The following ESYT3 variants were observed in gnomAD, a reference collection of about 807,000 sequenced individuals.
ESYT3 encodes extended synaptotagmin-3.
In ESYT3, 101 loss-of-function variants were observed where a neutral mutation model predicts 111.5. The observed-to-expected ratio is 0.91, with a 90% CI of 0.77 to 1.07. The LOEUF (loss-of-function observed/expected upper bound fraction) is 1.07. Ranked by LOEUF, ESYT3 falls within the 50% of genes least tolerant of loss-of-function variation. The probability of loss-of-function intolerance (pLI) is 0.00; values close to 1 mark genes in which losing one functional copy is unlikely to be tolerated. For missense variants in ESYT3, 1,097 were observed against 1,109.4 expected (o/e 0.99, Z 0.16); for synonymous variants, 416 against 446.8 (o/e 0.93, Z 0.87).
At chr3:138,452,113 C>G (rs1411564429) in intron 2 of ESYT3, 24 bp downstream of exon 2, 2 of 1,605,298 alleles carry the variant, frequency 1.2e-6, no homozygotes, top group Non-Finnish European at 1.7e-6. Flanking sequence ...CAGGGCCTAG[C>G]AGGGCCGGAC....
chr3:138,473,779 C>T, intron 19 of ESYT3, 145 bp downstream of exon 19: 7 of 726,378 alleles, frequency 9.6e-6, no homozygotes, highest in Non-Finnish European at 1.3e-5. Flanking sequence ...AAGGCCTGAA[C>T]ACTGTAATCA....
intron 4 of ESYT3, 134 bp from the exon 5 acceptor site, chr3:138,459,053 C>T (rs74322740): frequency 0.036 from 21,341 of 590,692 alleles, 545 homozygotes; most frequent in South Asian, 0.091. Context: ...GGCCATGTGC[C>T]CAGTGCATAG....
intron 14 of ESYT3, 195 bp from the exon 15 acceptor site, chr3:138,469,241 T>TG: frequency 1.7e-6 from 1 of 604,384 alleles, no homozygotes; most frequent in African/African-American, 1.8e-5. Context: ...AACTGCTTTC[T>TG]GGGGTTGGTC....
chr3:138,450,567 G>T (rs2031855245), intron 1 of ESYT3, among the ~76,000 whole-genome samples: 1 of 152,362 alleles, frequency 6.6e-6, no homozygotes, highest in Admixed American at 6.5e-5. Flanking sequence ...GGAAACTGAG[G>T]CTGGGAGAAT....
chr3:138,455,898 G>C (rs2032247858), intron 3 of ESYT3, among the ~76,000 whole-genome samples: 1 of 152,204 alleles, frequency 6.6e-6, no homozygotes, highest in Admixed American at 6.5e-5. Context: ...TCCTGTTTCA[G>C]CCTTGGTGCC....
In ESYT3 at chr3:138,473,540, G is replaced by A. The variant is rs2033341257; in HGVS notation, c.2242G>A (p.Gly748Arg). The change falls in exon 19 of 23, where the codon GGG becomes AGG. Residue 748 changes from glycine (G) to arginine (R), a missense_variant. Coordinates refer to ENST00000389567, the MANE Select transcript of ESYT3 (RefSeq NM_031913.5). ...LADISLNIEG[G>R]DLRRRQLGEI... ...TGATGGGCTCTTTCTTTACAGAGGT[G>A]GGGACCTCAGGCGACGGCAGCTGGG... 6.2e-7 allele frequency: 1 copy of A among 1,613,114 alleles called. No individual in the cohort carries two copies. Among genetic ancestry groups the A allele is most frequent in the Admixed American group, 1.7e-5 (1 of 60,010 alleles).
At position 138,435,140 on chromosome 3, in the gene ESYT3, G is replaced by T. The variant is rs759484989; in HGVS notation, c.327+15G>T. ...TGCCAGCCTGGGTGAGCCAAGCCGGGTGGGAGTGGGAGGTGGGGAGATGCC... is the reference window on the plus strand; with the variant it reads ...TGCCAGCCTGGGTGAGCCAAGCCGGTTGGGAGTGGGAGGTGGGGAGATGCC... On this transcript the variant is annotated intron_variant, in intron 1 of 22. Transcript: ENST00000389567. This position sits in a 1 kb window ranked among gnomAD's most constrained non-coding sequence, Gnocchi z 4.8. 1.3e-6 allele frequency: 2 copies of T among 1,553,772 alleles called. No individual in the cohort carries two copies. The highest frequency in any genetic ancestry group is 1.7e-6 in the Non-Finnish European group (2 of 1,150,658).
intron 2 of ESYT3, among the ~76,000 whole-genome samples, chr3:138,453,438 G>A (rs1169869674): frequency 6.6e-6 from 1 of 152,170 alleles, no homozygotes; most frequent in Non-Finnish European, 1.5e-5. Context: ...AAACCAGCAA[G>A]ACAGGAAGAT....
downstream of ESYT3, chr3:138,480,281 A>C (rs1428623383): frequency 2.6e-5 from 4 of 152,350 alleles, no homozygotes; most frequent in South Asian, 4.1e-4. Flanking sequence ...TGTTGAAAGT[A>C]AAAAGATTAA....
In ESYT3 at chr3:138,470,064, G is replaced by T. The variant is rs1300497060; in HGVS notation, c.1508G>T (p.Cys503Phe). 1 of 1,612,426 alleles carries T rather than the reference G, an allele frequency of 6.2e-7. No individual in the cohort carries two copies. Among genetic ancestry groups the T allele is most frequent in the African/African-American group, 1.3e-5 (1 of 74,988 alleles). The change falls in exon 16 of 23, where the codon TGT becomes TTT. Residue 503 changes from cysteine (C) to phenylalanine (F), a missense_variant. By Grantham distance (205) the Cys-to-Phe change is radical. Transcript: ENST00000389567. ...VGKKTHTSKT[C>F]PHNKDPVWSQ... Reference sequence around the variant, plus strand: ...CTCTCCCTCTTCTGTTCCCAGACCTGTCCCCACAACAAGGACCCTGTGTGG... The same window carrying T: ...CTCTCCCTCTTCTGTTCCCAGACCTTTCCCCACAACAAGGACCCTGTGTGG...
intron 14 of ESYT3, chr3:138,469,128 C>T: frequency 1.7e-6 from 1 of 602,866 alleles, no homozygotes. Context: ...CTGGGTCACA[C>T]AGCTAAGAGG....
In ESYT3 at chr3:138,468,129, A is replaced by G; in HGVS notation, c.1243A>G (p.Ser415Gly). ...DEWFVLNDTT[S>G]GRLHLRLEWL... ...GTGGTTTGTCCTGAATGACACAACC[A>G]GCGGGCGGCTGCACCTGCGGCTGGA... The change falls in exon 12 of 23, where the codon AGC becomes GGC. Residue 415 changes from serine to glycine, a missense_variant. Ser to Gly is a moderately conservative substitution (Grantham distance 56, BLOSUM62 0). Coordinates refer to ENST00000389567, the MANE Select transcript of ESYT3 (RefSeq NM_031913.5). 1 of 1,614,170 alleles carries G rather than the reference A, an allele frequency of 6.2e-7. No individual in the cohort carries two copies. Among genetic ancestry groups the G allele is most frequent in the African/African-American group, 1.3e-5 (1 of 75,042 alleles).
At chr3:138,467,798 GA>G (rs983903952) in intron 11 of ESYT3, among the ~76,000 whole-genome samples, 189 bp downstream of exon 11, 1 of 152,172 alleles carries the variant, frequency 6.6e-6, no homozygotes, top group African/African-American at 2.4e-5. Flanking sequence ...CCAGCTGGAA[GA>G]AGTTTCCCTG....
chr3:138,458,248 A>T (rs1349080167), intron 4 of ESYT3, among the ~76,000 whole-genome samples: 2 of 152,212 alleles, frequency 1.3e-5, no homozygotes, highest in African/African-American at 4.8e-5. Context: ...AGAGGCTGGC[A>T]CTGACAGCAT....
intron 8 of ESYT3, chr3:138,462,475 A>G (rs577617034): frequency 3.8e-5 from 21 of 552,578 alleles, no homozygotes; most frequent in Non-Finnish European, 9.6e-6. Context: ...GAATATTTAC[A>G]TTGACTTGTT....
At chr3:138,471,049 G>C (rs1388393195) in intron 17 of ESYT3, 23 bp downstream of exon 17, 1 of 1,599,288 alleles carries the variant, frequency 6.3e-7, no homozygotes, top group African/African-American at 1.3e-5. Context: ...GGTCCCCTGG[G>C]GGAGGGGAGG....
intron 1 of ESYT3, among the ~76,000 whole-genome samples, chr3:138,441,473 G>A (rs538784538): frequency 1.3e-5 from 2 of 152,306 alleles, no homozygotes; most frequent in East Asian, 1.9e-4. Context: ...CCAGAGTCTT[G>A]GTGGCAGGCA....
chr3:138,435,461 G>A lies in ESYT3; in HGVS notation c.327+336G>A, dbSNP rs1325949987. ...CGTCTGGGACTTCGCAGACTTACTC[G>A]GGTTGGAATCAGAAGGCATTTCTTC... On this transcript the variant is annotated intron_variant, in intron 1 of 22. Coordinates refer to ENST00000389567, the MANE Select transcript of ESYT3 (RefSeq NM_031913.5). The surrounding 1 kb of genome is among the most constrained non-coding windows in gnomAD (Gnocchi z 4.8). Among the ~76,000 whole-genome samples the A allele has an allele frequency of 1.3e-5, 2 of 152,210 alleles. No homozygotes were observed. The highest frequency in any genetic ancestry group is 2.4e-5 in the African/African-American group (1 of 41,452).
chr3:138,479,829 G>A lies in ESYT3; in HGVS notation c.*2975G>A, dbSNP rs2033645783. The A allele has an allele frequency of 1.3e-5, 2 of 152,240 alleles. No homozygotes were observed. Among genetic ancestry groups the A allele is most frequent in the East Asian group, 1.9e-4 (1 of 5,190 alleles). The allele number at this position is 152,240 out of a possible 1,614,324, so 9.4% of individuals were successfully genotyped here. A position where few individuals can be genotyped will look rare whatever the true frequency, so the allele number is the denominator to read the frequency against. On this transcript the variant is annotated 3_prime_UTR_variant, in exon 23 of 23. Transcript: ENST00000389567. Reference sequence around the variant, plus strand: ...CTTGTTCACTCTCCCTTACCCCTGGGGGTAAGGATCTGCATCCTGAAGTTG... The same window carrying A: ...CTTGTTCACTCTCCCTTACCCCTGGAGGTAAGGATCTGCATCCTGAAGTTG...
Sources: gnomAD v4.1 joint callset for allele counts (sites outside exome capture counted in the v4.1 genomes callset) on GRCh38, gnomAD v4.1.1 for gene constraint, Gnocchi (gnomAD v3.1) non-coding constraint, MANE v1.5 for transcripts, NCBI Gene and HGNC (gene_info 2026-07-23, HGNC 2026-07-21) for gene names.